Variants in NRXN3 observed in about 807,000 individuals in gnomAD.
The protein encoded by NRXN3 is neurexin 3, also known as neurexin III.
In NRXN3, 32 loss-of-function variants were observed where a neutral mutation model predicts 137.6. The ratio of observed to expected loss-of-function variants is 0.23; its 90% confidence interval spans 0.18 to 0.31. The LOEUF (loss-of-function observed/expected upper bound fraction) is 0.31. NRXN3 is among the 10% of genes least tolerant of loss of function. NRXN3 has a pLI of 1.00. For missense variants in NRXN3, 1,574 were observed against 2,062.5 expected (o/e 0.76, Z 4.59); for synonymous variants, 798 against 784.5 (o/e 1.02, Z -0.29).
At chr14:79,612,747 A>T (rs1162885587) in intron 16 of NRXN3, among the ~76,000 whole-genome samples, 5 of 152,164 alleles carry the variant, frequency 3.3e-5, no homozygotes, top group Non-Finnish European at 5.9e-5. Context: ...GCTACTCAGG[A>T]GGCTGAGGTG....
intron 10 of NRXN3, among the ~76,000 whole-genome samples, chr14:78,892,383 G>A (rs1264209653): frequency 1.3e-5 from 2 of 151,938 alleles, no homozygotes; most frequent in Non-Finnish European, 2.9e-5. Context: ...AGTCAACTTA[G>A]CTCGTTTGAG....
At chr14:78,674,468 C>T (rs1057395536) in intron 6 of NRXN3, among the ~76,000 whole-genome samples, 1 of 152,164 alleles carries the variant, frequency 6.6e-6, no homozygotes, top group African/African-American at 2.4e-5. Flanking sequence ...ATCATTACTT[C>T]TTCAAATGAA....
intron 4 of NRXN3, among the ~76,000 whole-genome samples, chr14:78,524,165 C>T (rs188203255): frequency 3.7e-4 from 56 of 152,268 alleles, no homozygotes; most frequent in African/African-American, 1.3e-3. Context: ...ATGGATATCA[C>T]TGTACTAATC....
intron 15 of NRXN3, among the ~76,000 whole-genome samples, chr14:79,174,567 C>A: frequency 6.8e-6 from 1 of 146,120 alleles, no homozygotes; most frequent in Non-Finnish European, 1.5e-5. Flanking sequence ...ATGAGACTCT[C>A]ATAGAAATAA....
At chr14:78,203,492 G>A (rs2061866091) in intron 1 of NRXN3, among the ~76,000 whole-genome samples, 1 of 152,114 alleles carries the variant, frequency 6.6e-6, no homozygotes, top group African/African-American at 2.4e-5. Flanking sequence ...AAATGTCACA[G>A]GCTCATTTTC....
chr14:79,026,866 G>C (rs1039426311), intron 15 of NRXN3, among the ~76,000 whole-genome samples: 1 of 150,360 alleles, frequency 6.7e-6, no homozygotes, highest in Non-Finnish European at 1.5e-5. Flanking sequence ...AATCCAATTA[G>C]CAAGATCTGC....
chr14:79,419,402 C>G (rs1347332763), intron 15 of NRXN3, among the ~76,000 whole-genome samples: 1 of 152,138 alleles, frequency 6.6e-6, no homozygotes, highest in East Asian at 1.9e-4. Flanking sequence ...TATTCCATTT[C>G]TAGGTAGGAG....
intron 4 of NRXN3, among the ~76,000 whole-genome samples, chr14:78,575,159 C>T (rs1048003115): frequency 6.6e-6 from 1 of 152,168 alleles, no homozygotes; most frequent in African/African-American, 2.4e-5. Context: ...TTTCCTGAGG[C>T]CTTCTCAGCC....
chr14:78,996,736 G>A (rs1291967454), intron 15 of NRXN3, among the ~76,000 whole-genome samples: 3 of 152,152 alleles, frequency 2.0e-5, no homozygotes, highest in Non-Finnish European at 2.9e-5. Context: ...GAGGCTGAGA[G>A]GGGCAGCATA....
chr14:79,142,361 C>A (rs10083483), intron 15 of NRXN3, among the ~76,000 whole-genome samples: 3 of 151,236 alleles, frequency 2.0e-5, no homozygotes, highest in East Asian at 2.0e-4. Flanking sequence ...GGGAGGCAGA[C>A]GTTGCAGTGA....
intron 15 of NRXN3, among the ~76,000 whole-genome samples, chr14:79,126,221 A>T (rs1000227196): frequency 6.0e-4 from 91 of 152,090 alleles, no homozygotes; most frequent in East Asian, 2.7e-3. Context: ...CATGTGCACA[A>T]TGTGCAGGTT....
At chr14:79,470,095 A>G (rs778727267) in intron 16 of NRXN3, among the ~76,000 whole-genome samples, 8 of 152,142 alleles carry the variant, frequency 5.3e-5, no homozygotes, top group Non-Finnish European at 7.4e-5. Context: ...CTGAAGAGAG[A>G]AAGAGCTTTG....
chr14:78,803,021 G>A (rs1204637661), intron 8 of NRXN3, among the ~76,000 whole-genome samples: 2 of 152,172 alleles, frequency 1.3e-5, no homozygotes, highest in African/African-American at 4.8e-5. Context: ...TTTCAAGGGT[G>A]TCATTAGCTT....
At chr14:79,639,064 C>G (rs1301627922) in intron 16 of NRXN3, among the ~76,000 whole-genome samples, 2 of 152,102 alleles carry the variant, frequency 1.3e-5, no homozygotes, top group African/African-American at 2.4e-5. Flanking sequence ...CACACTCCCC[C>G]AGTTGTCCAT....
intron 3 of NRXN3, among the ~76,000 whole-genome samples, chr14:78,296,819 CT>C (rs925057182): frequency 4.0e-5 from 6 of 151,592 alleles, no homozygotes; most frequent in East Asian, 1.9e-4. Flanking sequence ...GATTTCCATA[CT>C]TTTTTTTTCC....
intron 16 of NRXN3, among the ~76,000 whole-genome samples, chr14:79,511,345 T>C (rs1356231310): frequency 6.6e-6 from 1 of 152,204 alleles, no homozygotes; most frequent in Non-Finnish European, 1.5e-5. Context: ...TGTCAGGATC[T>C]GAGAGAGCCA....
intron 4 of NRXN3, among the ~76,000 whole-genome samples, chr14:78,503,416 A>G (rs2095917466): frequency 6.6e-6 from 1 of 152,148 alleles, no homozygotes; most frequent in Admixed American, 6.5e-5. Flanking sequence ...GGCAAGAGGT[A>G]GAGGCTCAAG....
chr14:78,509,132 T>C (rs1393677623), intron 4 of NRXN3, among the ~76,000 whole-genome samples: 2 of 152,080 alleles, frequency 1.3e-5, no homozygotes, highest in Non-Finnish European at 2.9e-5. Context: ...AAACCTTGTC[T>C]CTACTAAAAA....
At chr14:79,754,254 A>C (rs941181281) in intron 19 of NRXN3, among the ~76,000 whole-genome samples, 31 of 151,970 alleles carry the variant, frequency 2.0e-4, no homozygotes, top group Admixed American at 1.9e-3. Context: ...AGGCATAAGA[A>C]TCACTTAAAC....
Sources: gnomAD v4.1 joint callset for allele counts (sites outside exome capture counted in the v4.1 genomes callset) on GRCh38, gnomAD v4.1.1 for gene constraint, MANE v1.5 for transcripts, NCBI Gene and HGNC (gene_info 2026-07-23, HGNC 2026-07-21) for gene names.